The following TBXAS1 variants were observed in gnomAD, a reference collection of about 807,000 sequenced individuals.
The protein encoded by TBXAS1 is thromboxane A synthase 1, also known as thromboxane-A synthase.
Under a neutral mutation model 60.7 loss-of-function variants are expected in TBXAS1, and 48 were observed. The ratio of observed to expected loss-of-function variants is 0.79; its 90% CI spans 0.63 to 1.01. The LOEUF (loss-of-function observed/expected upper bound fraction) is 1.01. Ranked by LOEUF, TBXAS1 falls within the 50% of genes least tolerant of loss-of-function variation. TBXAS1 has a pLI of 0.00. For synonymous variants in TBXAS1, 287 were observed against 269.7 expected (o/e 1.06, Z -0.63); for missense variants, 685 against 686.3 (o/e 1.00, Z 0.02).
At chr7:139,789,059 A>G (rs953937510) in intron 4 of TBXAS1, among the ~76,000 whole-genome samples, 2 of 152,182 alleles carry the variant, frequency 1.3e-5, no homozygotes, top group African/African-American at 4.8e-5. Flanking sequence ...TGTATGGGTG[A>G]CACCCACCAG....
At chr7:139,817,828 G>A (rs893161047) in intron 4 of TBXAS1, among the ~76,000 whole-genome samples, 2 of 152,158 alleles carry the variant, frequency 1.3e-5, no homozygotes, top group Non-Finnish European at 2.9e-5. Context: ...ATATTTTATA[G>A]AAAATGAGCC....
At chr7:139,849,079 A>G (rs1800019011) in intron 1 of TBXAS1, among the ~76,000 whole-genome samples, 1 of 152,188 alleles carries the variant, frequency 6.6e-6, no homozygotes, top group African/African-American at 2.4e-5. Flanking sequence ...GGGGAAAAAA[A>G]ACAACAGGCC....
chr7:139,805,712 T>C (rs11773858), intron 4 of TBXAS1, among the ~76,000 whole-genome samples: 5,567 of 43,856 alleles, frequency 0.13, 226 homozygotes, highest in South Asian at 0.17. Context: ...CTTTCTTTCT[T>C]TCTCTCTCTC....
chr7:139,840,334 G>A (rs1008102506), intron 1 of TBXAS1, among the ~76,000 whole-genome samples: 2 of 152,100 alleles, frequency 1.3e-5, no homozygotes, highest in African/African-American at 4.8e-5. Flanking sequence ...AAGGCATCCC[G>A]CCTCCAGCAT....
At chr7:139,792,536 A>G (rs1190208533) in intron 4 of TBXAS1, among the ~76,000 whole-genome samples, 3 of 152,230 alleles carry the variant, frequency 2.0e-5, no homozygotes, top group African/African-American at 7.2e-5. Flanking sequence ...ATTGACAATG[A>G]AAACAAAACA....
intron 7 of TBXAS1, among the ~76,000 whole-genome samples, chr7:139,956,895 G>A (rs1016125791): frequency 1.3e-5 from 2 of 152,244 alleles, no homozygotes; most frequent in African/African-American, 2.4e-5. Flanking sequence ...CTTGAAAATG[G>A]GCCTGCGCAT....
intron 3 of TBXAS1, among the ~76,000 whole-genome samples, chr7:139,884,602 G>A (rs1220288042): frequency 1.3e-5 from 2 of 152,202 alleles, no homozygotes; most frequent in Non-Finnish European, 2.9e-5. Context: ...GAAGGGCAGC[G>A]TTTAAAGAGT....
chr7:139,861,395 G>C (rs1306492168), intron 1 of TBXAS1, among the ~76,000 whole-genome samples: 1 of 149,990 alleles, frequency 6.7e-6, no homozygotes, highest in Non-Finnish European at 1.5e-5. Flanking sequence ...CACCACACCT[G>C]GCTAATTTTT....
In TBXAS1 at chr7:139,997,931, C is replaced by T. The variant is rs79934640; in HGVS notation, c.1135-9160C>T. On this transcript the variant is annotated intron_variant, in intron 9 of 12. Transcript: ENST00000448866. Reference sequence around the variant, plus strand: ...ACCAAAAGCCATAAACAAGAATGTTCATAAGGCTTTATTCATAATGGCCCC... The same window carrying T: ...ACCAAAAGCCATAAACAAGAATGTTTATAAGGCTTTATTCATAATGGCCCC... Among the ~76,000 whole-genome samples the T allele has an allele frequency of 5.1e-3, 771 of 152,284 alleles. 3 individuals carry two copies. Among genetic ancestry groups the T allele is most frequent in the African/African-American group, 0.017 (717 of 41,548 alleles).
upstream of TBXAS1, among the ~76,000 whole-genome samples, chr7:139,827,104 C>T (rs528893968): frequency 6.6e-6 from 1 of 152,332 alleles, no homozygotes; most frequent in East Asian, 1.9e-4. Context: ...CCTCTCTCCT[C>T]TAGCCAAGCA....
Position 139,829,497 on chromosome 7 carries a change from TA to T in TBXAS1, c.89+19del, listed in dbSNP as rs1798570601. 2 of 1,610,892 alleles carry T rather than the reference TA, an allele frequency of 1.2e-6. No individual in the cohort carries two copies. The highest frequency in any genetic ancestry group is 1.7e-6 in the Non-Finnish European group (2 of 1,178,178). ...CTGAAATGGTAAGTGCAGCCAGCCC[TA>T]GGGACTGTGACAGCGTCAGCCGTCT... On this transcript the variant is annotated intron_variant, in intron 1 of 12. Coordinates refer to ENST00000448866, the MANE Select transcript of TBXAS1 (RefSeq NM_001061.7).
At chr7:139,970,907 G>C (rs1034811329) in intron 9 of TBXAS1, among the ~76,000 whole-genome samples, 3 of 152,142 alleles carry the variant, frequency 2.0e-5, no homozygotes, top group African/African-American at 7.2e-5. Context: ...CTTTTAAGCA[G>C]GGGGCTCCAC....
chr7:139,913,131 C>A (rs919749090), intron 4 of TBXAS1: 1 of 702,690 alleles, frequency 1.4e-6, no homozygotes. Context: ...TGGAGGGAGG[C>A]GGCTGGCCTG....
intron 5 of TBXAS1, among the ~76,000 whole-genome samples, chr7:139,952,104 C>A (rs186096507): frequency 6.6e-6 from 1 of 152,104 alleles, no homozygotes; most frequent in African/African-American, 2.4e-5. Flanking sequence ...GTCTGAGTGT[C>A]GGGTGCACTG....
At chr7:139,847,446 T>G (rs539787568) in intron 1 of TBXAS1, among the ~76,000 whole-genome samples, 1 of 152,188 alleles carries the variant, frequency 6.6e-6, no homozygotes, top group Non-Finnish European at 1.5e-5. Context: ...TCATTTTCAA[T>G]GATGGTGTCA....
Position 139,974,784 on chromosome 7 carries a change from T to TTGA in TBXAS1, c.1134+12565_1134+12567dup, listed in dbSNP as rs533038169. Among the ~76,000 whole-genome samples the TTGA allele has an allele frequency of 4.3e-3, 660 of 152,306 alleles. 6 individuals are homozygous for TTGA. The highest frequency in any genetic ancestry group is 6.8e-3 in the Middle Eastern group (2 of 294). On this transcript the variant is annotated intron_variant, in intron 9 of 12. Coordinates refer to ENST00000448866, the MANE Select transcript of TBXAS1 (RefSeq NM_001061.7). The stretch of plus-strand genomic sequence containing the variant: ...GGACTAGACCTCTTCTCCACTGTTA[T>TTGA]TGATGATGATGATGATAAATGAATG...
chr7:139,778,689 C>T lies in TBXAS1; in HGVS notation c.-318+218C>T, dbSNP rs1324960059. Among the ~76,000 whole-genome samples the T allele has an allele frequency of 6.6e-6, 1 of 152,090 alleles. No individual in the cohort carries two copies. Among genetic ancestry groups the T allele is most frequent in the African/African-American group, 2.4e-5 (1 of 41,426 alleles). ...TCTCCTCCTCGCGTCTACACTGTCC[C>T]GAGGGCCGCCACTCCATCACTTGAA... On this transcript the variant is annotated intron_variant, in intron 1 of 16. Transcript: ENST00000336425. The surrounding 1 kb of genome is among the most constrained non-coding windows in gnomAD (Gnocchi z 4.8).
At chr7:139,879,620 A>G (rs1410086653) in intron 3 of TBXAS1, among the ~76,000 whole-genome samples, 7 of 152,142 alleles carry the variant, frequency 4.6e-5, no homozygotes, top group African/African-American at 1.7e-4. Context: ...TATTGAATAT[A>G]AATATATATT....
intron 9 of TBXAS1, among the ~76,000 whole-genome samples, chr7:139,982,119 C>A (rs914367200): frequency 2.6e-5 from 4 of 152,162 alleles, no homozygotes; most frequent in Non-Finnish European, 5.9e-5. Context: ...AAATTTGAAT[C>A]TCAGATAAAC....
Sources: allele counts gnomAD v4.1 joint callset (sites outside exome capture counted in the v4.1 genomes callset), GRCh38; gene constraint gnomAD v4.1.1; non-coding constraint Gnocchi (gnomAD v3.1); transcripts MANE v1.5; gene names NCBI Gene and HGNC (gene_info 2026-07-23, HGNC 2026-07-21).